Variants in SLX4IP observed in about 807,000 individuals in gnomAD.
SLX4IP encodes protein SLX4IP.
In SLX4IP, 34 loss-of-function variants were observed where a neutral mutation model predicts 32.9. That is an observed-to-expected ratio of 1.03 (90% CI 0.79 to 1.38). The LOEUF is 1.38. Among genes scored for constraint, SLX4IP ranks in the 40% most tolerant of loss-of-function variants. SLX4IP has a pLI of 0.00. For synonymous variants in SLX4IP, 172 were observed against 171.7 expected (o/e 1.00, Z -0.01); for missense variants, 444 against 479.0 (o/e 0.93, Z 0.68).
intron 2 of SLX4IP, among the ~76,000 whole-genome samples, chr20:10,489,698 G>A (rs2065604385): frequency 6.6e-6 from 1 of 152,122 alleles, no homozygotes; most frequent in African/African-American, 2.4e-5. Context: ...GAAGGGGAGT[G>A]GGATTACCCA....
At chr20:10,605,681 T>C (rs1264738138) in intron 6 of SLX4IP, among the ~76,000 whole-genome samples, 1 of 152,232 alleles carries the variant, frequency 6.6e-6, no homozygotes, top group African/African-American at 2.4e-5. Flanking sequence ...ATCTGCCTTA[T>C]ACTCTTTATT....
chr20:10,542,582 G>A (rs1399217279), intron 2 of SLX4IP, among the ~76,000 whole-genome samples: 1 of 152,190 alleles, frequency 6.6e-6, no homozygotes, highest in Non-Finnish European at 1.5e-5. Flanking sequence ...AGCACTAAAT[G>A]CATAAAGCCT....
At chr20:10,537,748 G>A (rs1489376242) in intron 2 of SLX4IP, among the ~76,000 whole-genome samples, 3 of 152,158 alleles carry the variant, frequency 2.0e-5, no homozygotes, top group Non-Finnish European at 2.9e-5. Flanking sequence ...TTATGCAAAT[G>A]CCCCATGCAA....
intron 4 of SLX4IP, among the ~76,000 whole-genome samples, chr20:10,564,927 CA>C (rs894188240): frequency 2.0e-5 from 3 of 151,852 alleles, no homozygotes; most frequent in African/African-American, 7.2e-5. Flanking sequence ...GTCCAAAAAT[CA>C]AAAAAGGAGA....
At chr20:10,556,401 C>G in intron 3 of SLX4IP, 81 bp downstream of exon 3, 1 of 1,361,546 alleles carries the variant, frequency 7.3e-7, no homozygotes. Flanking sequence ...GCTTTCATTT[C>G]TGTTAGTGGG....
At chr20:10,601,943 G>C (rs902740285) in intron 6 of SLX4IP, 124 bp downstream of exon 6, 1 of 786,660 alleles carries the variant, frequency 1.3e-6, no homozygotes, top group Non-Finnish European at 2.1e-6. Flanking sequence ...CATGTTTTAA[G>C]GGAACAAGAA....
chr20:10,503,767 C>G (rs926819977), intron 2 of SLX4IP, among the ~76,000 whole-genome samples: 2 of 152,120 alleles, frequency 1.3e-5, no homozygotes, highest in African/African-American at 4.8e-5. Context: ...CCTTCCTTGC[C>G]TCTTCTAGTT....
rs1180882169 is a variant in SLX4IP at position 10,626,717 on chromosome 20, G to A, written c.*3338G>A. Reference sequence around the variant, plus strand: ...TCGTCCAGATATGCATATGAATTGTGAAATGCAAAGAAGCAAACATTTGGG... The same window carrying A: ...TCGTCCAGATATGCATATGAATTGTAAAATGCAAAGAAGCAAACATTTGGG... On this transcript the variant is annotated 3_prime_UTR_variant, in exon 8 of 8. Transcript: ENST00000334534. The A allele has an allele frequency of 3.3e-5, 5 of 152,182 alleles. No homozygotes were observed. The highest frequency in any genetic ancestry group is 3.3e-4 in the Admixed American group (5 of 15,280). 9.4% of individuals were successfully genotyped at this position (152,182 alleles called of 1,614,324 possible).
intron 2 of SLX4IP, among the ~76,000 whole-genome samples, chr20:10,487,153 C>T (rs1015292319): frequency 6.6e-6 from 1 of 152,112 alleles, no homozygotes; most frequent in East Asian, 1.9e-4. Flanking sequence ...AAAACAACAA[C>T]AACAAAATCA....
At chr20:10,523,519 A>C (rs938696380) in intron 2 of SLX4IP, among the ~76,000 whole-genome samples, 28 of 152,228 alleles carry the variant, frequency 1.8e-4, no homozygotes, top group African/African-American at 6.3e-4. Flanking sequence ...TTATAAGATA[A>C]AGTAACAGAT....
intron 2 of SLX4IP, among the ~76,000 whole-genome samples, chr20:10,535,049 G>T (rs1344578920): frequency 6.6e-6 from 1 of 152,130 alleles, no homozygotes. Flanking sequence ...GAGGTTTGGG[G>T]TGTGGAGGCA....
chr20:10,457,245 T>C (rs761505128), intron 1 of SLX4IP, among the ~76,000 whole-genome samples: 4 of 152,202 alleles, frequency 2.6e-5, no homozygotes, highest in Non-Finnish European at 4.4e-5. Context: ...TTTAGTACAA[T>C]GATGAAAAGA....
intron 2 of SLX4IP, among the ~76,000 whole-genome samples, chr20:10,549,291 C>G (rs866639365): frequency 6.6e-6 from 1 of 152,180 alleles, no homozygotes. Flanking sequence ...GAGGCTTTCA[C>G]TGCCTCACTG....
intron 6 of SLX4IP, among the ~76,000 whole-genome samples, chr20:10,615,095 ATT>A (rs1484934734): frequency 6.6e-6 from 1 of 151,902 alleles, no homozygotes; most frequent in Non-Finnish European, 1.5e-5. Flanking sequence ...TCTGTAGAAA[ATT>A]TCAATTTGCT....
At chr20:10,473,884 G>A (rs777285009) in intron 2 of SLX4IP, among the ~76,000 whole-genome samples, 4 of 151,782 alleles carry the variant, frequency 2.6e-5, no homozygotes, top group African/African-American at 4.8e-5. Context: ...GTGTGGTGGC[G>A]TGATCTTGGC....
At chr20:10,491,263 A>G (rs958126782) in intron 2 of SLX4IP, among the ~76,000 whole-genome samples, 1 of 152,074 alleles carries the variant, frequency 6.6e-6, no homozygotes, top group African/African-American at 2.4e-5. Flanking sequence ...ATACCCATCA[A>G]CTCTTCTTAA....
At chr20:10,598,472 C>A (rs1212024684) in intron 4 of SLX4IP, among the ~76,000 whole-genome samples, 1 of 152,184 alleles carries the variant, frequency 6.6e-6, no homozygotes, top group African/African-American at 2.4e-5. Flanking sequence ...CCATGTTGGC[C>A]AGGCTGGTCT....
intron 4 of SLX4IP, among the ~76,000 whole-genome samples, chr20:10,591,362 G>A (rs1269062356): frequency 6.6e-6 from 1 of 152,162 alleles, no homozygotes; most frequent in African/African-American, 2.4e-5. Context: ...ATAGTCCAGT[G>A]GTTCATGAAC....
chr20:10,464,428 C>T (rs1234950235), intron 2 of SLX4IP, among the ~76,000 whole-genome samples: 4 of 152,108 alleles, frequency 2.6e-5, no homozygotes, highest in South Asian at 2.1e-4. Context: ...CATCTGTAAT[C>T]CCTGCATTTT....
Sources: gnomAD v4.1 joint callset for allele counts (sites outside exome capture counted in the v4.1 genomes callset) on GRCh38, gnomAD v4.1.1 for gene constraint, MANE v1.5 for transcripts, NCBI Gene and HGNC (gene_info 2026-07-23, HGNC 2026-07-21) for gene names.